Variants in PRKN observed in about 807,000 individuals in gnomAD.
The protein encoded by PRKN is parkin RBR E3 ubiquitin protein ligase.
In PRKN, 56 loss-of-function variants were observed where a neutral mutation model predicts 59.5. The ratio of observed to expected loss-of-function variants is 0.94; its 90% confidence interval spans 0.76 to 1.18. The LOEUF (loss-of-function observed/expected upper bound fraction) is 1.18, where lower values mean the gene tolerates loss of function less well. Ranked by LOEUF, PRKN falls within the 50% of genes most tolerant of loss-of-function variation. PRKN has a pLI of 0.00. For synonymous variants in PRKN, 250 were observed against 222.1 expected (o/e 1.13, Z -1.12); for missense variants, 657 against 596.4 (o/e 1.10, Z -1.06).
At position 161,746,665 on chromosome 6, in the gene PRKN, T is replaced by G. The variant is rs561734659; in HGVS notation, c.871+39107A>C. Among the ~76,000 whole-genome samples, 1,284 of 146,172 alleles carry G rather than the reference T, an allele frequency of 8.8e-3. 16 individuals are homozygous for G. Among genetic ancestry groups the G allele is most frequent in the African/African-American group, 0.03 (1,224 of 40,146 alleles). On this transcript the variant is annotated intron_variant, in intron 7 of 11. Coordinates refer to ENST00000366898, the MANE Select transcript of PRKN (RefSeq NM_004562.3). ...ATGTATATATCTATATAGATATATA[T>G]GTATATCTATAGATATATCTATATA...
chr6:162,641,007 T>G (rs2846555), intron 1 of PRKN, among the ~76,000 whole-genome samples: 96,254 of 151,936 alleles, frequency 0.63, 31,702 homozygotes, highest in African/African-American at 0.82. Context: ...ACATAACTAT[T>G]TCATAAGGGT....
chr6:162,570,400 T>C (rs1443012595), intron 1 of PRKN, among the ~76,000 whole-genome samples: 2 of 152,240 alleles, frequency 1.3e-5, no homozygotes, highest in African/African-American at 2.4e-5. Context: ...GATTATTTTT[T>C]AGTTTTGAGG....
At chr6:162,356,598 G>A (rs529987671) in intron 2 of PRKN, among the ~76,000 whole-genome samples, 66 of 151,340 alleles carry the variant, frequency 4.4e-4, no homozygotes, top group African/African-American at 1.6e-3. Flanking sequence ...AAGTTATTTT[G>A]AGGATATCAA....
At chr6:161,660,446 A>C (rs7749966) in intron 7 of PRKN, among the ~76,000 whole-genome samples, 72,391 of 152,014 alleles carry the variant, frequency 0.48, 18,252 homozygotes, top group Non-Finnish European at 0.56. Context: ...AAAGGAAAAA[A>C]CAGGGATGGA....
intron 5 of PRKN, among the ~76,000 whole-genome samples, chr6:162,013,713 G>A (rs532241264): frequency 3.0e-4 from 45 of 152,130 alleles, no homozygotes; most frequent in Admixed American, 7.2e-4. Flanking sequence ...CTCAATATTT[G>A]TTGTTTATCA....
rs1777995959 is a variant in PRKN, at chr6:161,502,391, G to C, written c.1083+46463C>G. Among the ~76,000 whole-genome samples the C allele has an allele frequency of 6.6e-6, 1 of 152,128 alleles. No individual in the cohort carries two copies. Among genetic ancestry groups the C allele is most frequent in the African/African-American group, 2.4e-5 (1 of 41,422 alleles). ...GACATCAAAAGGAGAGCTTCTAGAA[G>C]TAAACATGACTGATGGTAAAGGACC... is the stretch of plus-strand genomic sequence containing the variant. On this transcript the variant is annotated intron_variant, in intron 9 of 11. Transcript: ENST00000366898. This position sits in a 1 kb window ranked among gnomAD's most constrained non-coding sequence, Gnocchi z 4.0.
intron 1 of PRKN, among the ~76,000 whole-genome samples, chr6:162,701,881 ACACACC>A (rs879876290): frequency 6.2e-4 from 77 of 124,332 alleles, no homozygotes; most frequent in Non-Finnish European, 9.2e-4. Context: ...ACACACACAC[ACACACC>A]CCCCCGACAA....
chr6:162,049,394 A>G (rs755903500), intron 5 of PRKN, among the ~76,000 whole-genome samples: 27 of 152,276 alleles, frequency 1.8e-4, no homozygotes, highest in South Asian at 6.2e-4. Context: ...TGCAATCCAG[A>G]AAAATGGTTT....
At chr6:161,770,898 G>T (rs1185705905) in intron 7 of PRKN, among the ~76,000 whole-genome samples, 1 of 152,106 alleles carries the variant, frequency 6.6e-6, no homozygotes, top group African/African-American at 2.4e-5. Context: ...GGAGGACACA[G>T]GCAGGACGAT....
intron 4 of PRKN, among the ~76,000 whole-genome samples, chr6:162,183,601 A>G (rs10945801): frequency 0.16 from 24,878 of 152,186 alleles, 2,344 homozygotes; most frequent in Middle Eastern, 0.28. Flanking sequence ...CAAAGTATAC[A>G]TCTTGGAAGG....
intron 7 of PRKN, among the ~76,000 whole-genome samples, chr6:161,684,251 T>G (rs1785474397): frequency 6.6e-6 from 1 of 151,850 alleles, no homozygotes; most frequent in Non-Finnish European, 1.5e-5. Flanking sequence ...TTAAAAAAAT[T>G]TATTTATTAT....
chr6:162,105,033 T>C (rs1459840295), intron 4 of PRKN, among the ~76,000 whole-genome samples: 1 of 152,190 alleles, frequency 6.6e-6, no homozygotes, highest in Admixed American at 6.5e-5. Flanking sequence ...ATAGCTTACG[T>C]ATCTGTGGTT....
At chr6:162,468,110 C>A (rs1047289435) in intron 1 of PRKN, among the ~76,000 whole-genome samples, 1 of 152,186 alleles carries the variant, frequency 6.6e-6, no homozygotes, top group African/African-American at 2.4e-5. Flanking sequence ...TAAGCCCCGA[C>A]AGGACAGGGA....
At chr6:161,709,085 A>G (rs1025820848) in intron 7 of PRKN, among the ~76,000 whole-genome samples, 1 of 152,340 alleles carries the variant, frequency 6.6e-6, no homozygotes, top group East Asian at 1.9e-4. Flanking sequence ...TAGTGGATAA[A>G]TGATTGGACA....
chr6:161,475,201 T>C lies in PRKN; in HGVS notation c.1083+73653A>G, dbSNP rs951708268. On this transcript the variant is annotated intron_variant, in intron 9 of 11. Coordinates refer to ENST00000366898, the MANE Select transcript of PRKN (RefSeq NM_004562.3). This position sits in a 1 kb window ranked among gnomAD's most constrained non-coding sequence, Gnocchi z 5.3. Reference sequence around the variant, plus strand: ...ACCATGCCTGACCCACTATTACCTATACTTATAGTAGATTGCATGTGATCG... The same window carrying C: ...ACCATGCCTGACCCACTATTACCTACACTTATAGTAGATTGCATGTGATCG... Among the ~76,000 whole-genome samples the C allele has an allele frequency of 2.0e-5, 3 of 152,192 alleles. No individual in the cohort carries two copies. Among genetic ancestry groups the C allele is most frequent in the East Asian group, 1.9e-4 (1 of 5,176 alleles).
intron 7 of PRKN, among the ~76,000 whole-genome samples, chr6:161,763,690 C>A (rs113257874): frequency 3.9e-5 from 6 of 152,192 alleles, no homozygotes; most frequent in African/African-American, 1.2e-4. Flanking sequence ...CTTTCCCCCC[C>A]ACAACGTGCA....
chr6:161,528,804 T>C (rs1192986858), intron 9 of PRKN, among the ~76,000 whole-genome samples: 2 of 152,148 alleles, frequency 1.3e-5, no homozygotes, highest in Non-Finnish European at 2.9e-5. Context: ...ACTTTTTGTC[T>C]TGAATGATTA....
At chr6:162,713,555 G>C (rs1778620040) in intron 1 of PRKN, among the ~76,000 whole-genome samples, 1 of 147,840 alleles carries the variant, frequency 6.8e-6, no homozygotes, top group Non-Finnish European at 1.5e-5. Flanking sequence ...GGCAGAAAAA[G>C]TATGCCAGAT....
chr6:162,119,189 T>C (rs1562524699), intron 4 of PRKN, among the ~76,000 whole-genome samples: 1 of 152,168 alleles, frequency 6.6e-6, no homozygotes, highest in Non-Finnish European at 1.5e-5. Flanking sequence ...GAAGATACCT[T>C]ATTAGTTATG....
Sources: gnomAD v4.1 joint callset for allele counts (sites outside exome capture counted in the v4.1 genomes callset) on GRCh38, gnomAD v4.1.1 for gene constraint, Gnocchi (gnomAD v3.1) non-coding constraint, MANE v1.5 for transcripts, NCBI Gene and HGNC (gene_info 2026-07-23, HGNC 2026-07-21) for gene names.